Variants in GOLGA4 observed in about 807,000 individuals in gnomAD.
GOLGA4 encodes the protein golgin subfamily A member 4.
In GOLGA4, 169 loss-of-function variants were observed where a neutral mutation model predicts 265.9. The observed-to-expected ratio is 0.64, with a 90% confidence interval of 0.56 to 0.72. The LOEUF (loss-of-function observed/expected upper bound fraction) is 0.72, where lower values mean the gene tolerates loss of function less well. GOLGA4 is among the 30% of genes least tolerant of loss of function. The pLI, the probability that GOLGA4 is intolerant of heterozygous loss-of-function variation, is 0.00. For missense variants in GOLGA4, 2,482 were observed against 2,483.4 expected (o/e 1.00, Z 0.01); for synonymous variants, 923 against 855.8 (o/e 1.08, Z -1.37).
intron 16 of GOLGA4, among the ~76,000 whole-genome samples, chr3:37,332,280 A>G (rs2096993104): frequency 6.6e-6 from 1 of 152,176 alleles, no homozygotes; most frequent in South Asian, 2.1e-4. Context: ...CACATTCTCA[A>G]GCTTCATAAG....
chr3:37,281,293 C>G (rs918305508), intron 2 of GOLGA4, among the ~76,000 whole-genome samples: 1 of 152,182 alleles, frequency 6.6e-6, no homozygotes, highest in Non-Finnish European at 1.5e-5. Context: ...CAACTGTCCT[C>G]CATGATTTGT....
chr3:37,270,146 G>A (rs1360949540), intron 2 of GOLGA4, among the ~76,000 whole-genome samples: 10 of 149,956 alleles, frequency 6.7e-5, no homozygotes, highest in African/African-American at 2.2e-4. Flanking sequence ...TGCCTGCCTC[G>A]GTCTCCCAAA....
At position 37,324,746 on chromosome 3, in the gene GOLGA4, A is replaced by G; in HGVS notation, c.2860A>G (p.Lys954Glu). The G allele has an allele frequency of 6.3e-7, 1 of 1,585,488 alleles. No homozygotes were observed. Among genetic ancestry groups the G allele is most frequent in the Non-Finnish European group, 8.5e-7 (1 of 1,172,426 alleles). Residue 954 changes from lysine to glutamate, a missense_variant, in exon 14 of 24, where the codon AAA (lysine) becomes GAA (glutamate). By Grantham distance (56) the Lys-to-Glu change is moderately conservative (BLOSUM62 1). Coordinates refer to ENST00000361924, the MANE Select transcript of GOLGA4 (RefSeq NM_002078.5). ...TGAAACCAAATTTAAAAACCAAGAAAAAAAGATGGAAAAAGTTAAGCAGAA... is the reference window on the plus strand; with the variant it reads ...TGAAACCAAATTTAAAAACCAAGAAGAAAAGATGGAAAAAGTTAAGCAGAA... Reference protein sequence around the residue: ...EYETKFKNQEKKMEKVKQKAK... With the variant: ...EYETKFKNQEEKMEKVKQKAK...
intron 2 of GOLGA4, chr3:37,273,689 T>A: frequency 1.4e-6 from 1 of 734,192 alleles, no homozygotes; most frequent in South Asian, 1.5e-5. Flanking sequence ...TGACTTTACA[T>A]TGAAATGGTG....
At chr3:37,294,607 G>A (rs1187885821) in intron 5 of GOLGA4, among the ~76,000 whole-genome samples, 4 of 152,038 alleles carry the variant, frequency 2.6e-5, no homozygotes, top group African/African-American at 9.7e-5. Flanking sequence ...GGCTGGTCTC[G>A]AACTCCTGAC....
intron 10 of GOLGA4, among the ~76,000 whole-genome samples, chr3:37,309,493 T>G (rs552629384): frequency 2.0e-5 from 3 of 152,268 alleles, no homozygotes; most frequent in African/African-American, 7.2e-5. Context: ...AGGCGGAGGT[T>G]GCAGTGAGCC....
chr3:37,337,260 T>C (rs1254188503), intron 18 of GOLGA4, 97 bp downstream of exon 18: 18 of 696,550 alleles, frequency 2.6e-5, no homozygotes, highest in Non-Finnish European at 3.9e-5. Flanking sequence ...AGTGCAGTGA[T>C]GCAATCTTGG....
chr3:37,350,744 G>T lies in GOLGA4; in HGVS notation c.6576+3448G>T, dbSNP rs144964980. 5.5e-4 allele frequency among the ~76,000 whole-genome samples: 84 copies of T among 152,104 alleles called. 1 individual carries two copies. The Middle Eastern group carries it at 0.017, about 31-fold the overall frequency. ...ACACAAATTATTTTGGTTTCCCAGTGCATATAAAGTTACATTTATACTATA... is the reference window on the plus strand; with the variant it reads ...ACACAAATTATTTTGGTTTCCCAGTTCATATAAAGTTACATTTATACTATA... On this transcript the variant is annotated intron_variant, in intron 21 of 23. Coordinates refer to ENST00000361924, the MANE Select transcript of GOLGA4 (RefSeq NM_002078.5).
chr3:37,311,008 A>G (rs189448935), intron 10 of GOLGA4, among the ~76,000 whole-genome samples: 16 of 152,314 alleles, frequency 1.1e-4, no homozygotes, highest in Admixed American at 6.5e-4. Flanking sequence ...TAGTACTTAC[A>G]TTAAAATCCT....
intron 6 of GOLGA4, among the ~76,000 whole-genome samples, chr3:37,295,528 A>G (rs1208694118): frequency 6.6e-6 from 1 of 152,234 alleles, no homozygotes; most frequent in Non-Finnish European, 1.5e-5. Context: ...TCTTCAGTTA[A>G]TGTTAAGGAT....
Position 37,324,058 on chromosome 3 carries a change from G to C in GOLGA4, c.2172G>C (p.Lys724Asn). 2 of 1,614,066 alleles carry C rather than the reference G, an allele frequency of 1.2e-6. No homozygotes were observed. Among genetic ancestry groups the C allele is most frequent in the Non-Finnish European group, 1.7e-6 (2 of 1,180,018 alleles). Residue 724 changes from lysine (K) to asparagine (N), a missense_variant, in exon 14 of 24, where the codon AAG becomes AAC. Around this residue, in one of 3 missense-constraint regions of GOLGA4, gnomAD observed 1,536 missense variants for 1,483.7 expected, o/e 1.04. Transcript: ENST00000361924. ...TDKMKQELEAKMDEQKNHHQQ... is the reference protein window; with the variant it reads ...TDKMKQELEANMDEQKNHHQQ... ...AAATGAAGCAGGAATTAGAGGCCAA[G>C]ATGGATGAACAGAAAAATCATCACC...
intron 23 of GOLGA4, among the ~76,000 whole-genome samples, chr3:37,364,265 A>G (rs543108589): frequency 6.6e-6 from 1 of 151,898 alleles, no homozygotes; most frequent in Non-Finnish European, 1.5e-5. Flanking sequence ...TTTGAGACGG[A>G]GTTTCACTCT....
At chr3:37,318,228 G>C (rs2150939483) in intron 11 of GOLGA4, among the ~76,000 whole-genome samples, 1 of 151,298 alleles carries the variant, frequency 6.6e-6, no homozygotes, top group Non-Finnish European at 1.5e-5. Context: ...TCTTTTTTTT[G>C]TAGAGACGGG....
intron 1 of GOLGA4, chr3:37,244,293 GC>G (rs1168672492): frequency 3.3e-5 from 5 of 152,266 alleles, no homozygotes; most frequent in Non-Finnish European, 7.3e-5. Context: ...GGGCGGAGGG[GC>G]AGACACTCTG....
chr3:37,276,985 T>TC (rs1450338116), intron 2 of GOLGA4, among the ~76,000 whole-genome samples: 2 of 152,190 alleles, frequency 1.3e-5, no homozygotes, highest in African/African-American at 4.8e-5. Context: ...TACTTTTTTT[T>TC]CCATATTGGC....
At chr3:37,267,018 G>A in intron 2 of GOLGA4, 1 of 521,150 alleles carries the variant, frequency 1.9e-6, no homozygotes, top group Non-Finnish European at 3.3e-6. Flanking sequence ...CAAATCTCAT[G>A]TTACTTGCCA....
rs186678579 is a variant in GOLGA4 at position 37,362,526 on chromosome 3, C to T, written c.*33+1221C>T. 8.8e-3 allele frequency among the ~76,000 whole-genome samples: 1,329 copies of T among 151,578 alleles called. 25 individuals are homozygous for T. Among genetic ancestry groups the T allele is most frequent in the African/African-American group, 0.031 (1,266 of 41,350 alleles). On this transcript the variant is annotated intron_variant, in intron 23 of 23. Coordinates refer to ENST00000361924, the MANE Select transcript of GOLGA4 (RefSeq NM_002078.5). ...AAGTGCTGGGATTACAGGCGTGAGC[C>T]GCGCCCGGCCTTATTTATTTTTTTT...
chr3:37,297,953 A>G (rs2096882844), intron 7 of GOLGA4, among the ~76,000 whole-genome samples: 1 of 151,816 alleles, frequency 6.6e-6, no homozygotes, highest in Non-Finnish European at 1.5e-5. Context: ...TGCTTGAACC[A>G]GGGAGGTGGA....
chr3:37,344,246 C>T (rs372622501), intron 20 of GOLGA4, among the ~76,000 whole-genome samples: 121 of 152,240 alleles, frequency 7.9e-4, no homozygotes, highest in African/African-American at 2.6e-3. Context: ...GGATTACAGG[C>T]GCACACCATC....
Sources: allele counts gnomAD v4.1 joint callset (sites outside exome capture counted in the v4.1 genomes callset), GRCh38; gene constraint gnomAD v4.1.1; regional missense constraint gnomAD v4.1.1; transcripts MANE v1.5; gene names NCBI Gene and HGNC (gene_info 2026-07-23, HGNC 2026-07-21).